GLIS3: variants seen among roughly 807,000 people sequenced by gnomAD.
GLIS3 encodes the protein GLIS family zinc finger 3.
GLIS3 carries 53 observed loss-of-function variants against 78.6 expected under a neutral mutation model. That is an observed-to-expected ratio of 0.67 (90% CI 0.54 to 0.85). The LOEUF (loss-of-function observed/expected upper bound fraction) is 0.85, where lower values mean the gene tolerates loss of function less well. Among genes scored for constraint, GLIS3 ranks in the 40% least tolerant of loss-of-function variants. GLIS3 has a pLI of 0.00. For missense variants in GLIS3, 1,703 were observed against 1,231.1 expected (o/e 1.38, Z -5.74); for synonymous variants, 684 against 509.9 (o/e 1.34, Z -4.60).
intron 2 of GLIS3, among the ~76,000 whole-genome samples, chr9:4,149,475 T>C (rs982820): frequency 0.22 from 33,889 of 152,142 alleles, 4,226 homozygotes; most frequent in African/African-American, 0.34. Flanking sequence ...CACAGGACAA[T>C]TGTCATTCTT....
At chr9:4,405,768 A>G in the GLIS3 span, among the ~76,000 whole-genome samples, 1 of 152,350 alleles carries the variant, frequency 6.6e-6, no homozygotes, top group Admixed American at 6.5e-5. Context: ...ACACATTAAA[A>G]AAAAAAACTA....
chr9:3,872,027 C>T (rs753517637), intron 8 of GLIS3, among the ~76,000 whole-genome samples: 15 of 152,276 alleles, frequency 9.9e-5, no homozygotes, highest in Non-Finnish European at 1.2e-4. Context: ...CTGCTAGATA[C>T]CCTAAATCAG....
At chr9:4,199,273 T>G (rs1488085180) in intron 2 of GLIS3, among the ~76,000 whole-genome samples, 1 of 152,054 alleles carries the variant, frequency 6.6e-6, no homozygotes, top group Non-Finnish European at 1.5e-5. Context: ...AGTGGCAAGT[T>G]GGATGAAAAA....
chr9:3,907,605 A>ACACACAC (rs1823802742), intron 6 of GLIS3, among the ~76,000 whole-genome samples: 4 of 92,254 alleles, frequency 4.3e-5, no homozygotes, highest in African/African-American at 1.4e-4. Context: ...CCACCCCCCA[A>ACACACAC]ACACACACAC....
chr9:4,118,514 T>A lies in GLIS3; in HGVS notation c.964A>T (p.Thr322Ser), dbSNP rs1466092131. The A allele has an allele frequency of 6.2e-7, 1 of 1,614,140 alleles. No individual in the cohort carries two copies. The highest frequency in any genetic ancestry group is 8.5e-7 in the Non-Finnish European group (1 of 1,180,014). Residue 322 changes from threonine (T) to serine (S), a missense_variant, in exon 4 of 11, where the codon ACG becomes TCG. Thr to Ser is a moderately conservative substitution (Grantham distance 58). Coordinates refer to ENST00000381971, the MANE Select transcript of GLIS3 (RefSeq NM_001042413.2). The surrounding 1 kb of genome is among the most constrained non-coding windows in gnomAD (Gnocchi z 4.7). Reference protein sequence around the residue: ...IGIDFNTIIRTSPTSLVAYIN... With the variant: ...IGIDFNTIIRSSPTSLVAYIN... ...TAGGCCACCAAGGACGTGGGCGACG[T>A]GCGGATGATGGTATTGAAATCTATC... is the stretch of plus-strand genomic sequence containing the variant.
chr9:4,065,488 T>A (rs1169508430), intron 4 of GLIS3, among the ~76,000 whole-genome samples: 1 of 152,258 alleles, frequency 6.6e-6, no homozygotes, highest in Non-Finnish European at 1.5e-5. Context: ...AAATTTAATA[T>A]CAAATTTGTT....
chr9:4,474,238 G>A, the GLIS3 span, among the ~76,000 whole-genome samples: 1 of 152,180 alleles, frequency 6.6e-6, no homozygotes, highest in Non-Finnish European at 1.5e-5. Context: ...TGGAAAGATA[G>A]ACAAATAGAT....
At chr9:4,435,885 C>G in the GLIS3 span, among the ~76,000 whole-genome samples, 3 of 152,122 alleles carry the variant, frequency 2.0e-5, no homozygotes, top group East Asian at 1.9e-4. Context: ...GGAGGTGGAG[C>G]TTGCAGTGAG....
chr9:4,187,492 T>A (rs996430353), intron 2 of GLIS3, among the ~76,000 whole-genome samples: 2 of 152,274 alleles, frequency 1.3e-5, no homozygotes, highest in African/African-American at 4.8e-5. Flanking sequence ...CTTTTTTGGT[T>A]CCATATGAAC....
intron 2 of GLIS3, among the ~76,000 whole-genome samples, chr9:4,140,650 G>A (rs1289883147): frequency 6.6e-6 from 1 of 152,096 alleles, no homozygotes; most frequent in Admixed American, 6.5e-5. Context: ...TCCTCCTCTA[G>A]ACTGTAATTG....
intron 7 of GLIS3, among the ~76,000 whole-genome samples, chr9:3,895,261 A>G (rs903015062): frequency 6.6e-6 from 1 of 152,250 alleles, no homozygotes; most frequent in Admixed American, 6.5e-5. Flanking sequence ...CTCTTAGACT[A>G]TCAGATAAAT....
rs1039901885 is a variant in GLIS3 at position 3,828,369 on chromosome 9, T to A, written c.2696A>T (p.Glu899Val). The A allele has an allele frequency of 1.2e-6, 2 of 1,613,522 alleles. No individual in the cohort carries two copies. Among genetic ancestry groups the A allele is most frequent in the African/African-American group, 1.3e-5 (1 of 74,848 alleles). The change falls in exon 11 of 11, where the codon GAG (glutamate) becomes GTG (valine). Residue 899 changes from glutamate (E) to valine (V), a missense_variant. Transcript: ENST00000381971. ...ATCTTCAGCCCCGCTGCGGAGAGAC[T>A]CCCCAAAGAGGCTCGAGGAACTTGA... ...LPSSSSSLFG[E>V]SLRSGAEDAT... is the part of the protein sequence containing the mutation.
At chr9:3,888,214 A>G (rs1254606092) in intron 7 of GLIS3, among the ~76,000 whole-genome samples, 1 of 152,120 alleles carries the variant, frequency 6.6e-6, no homozygotes, top group Non-Finnish European at 1.5e-5. Context: ...TTTGGAAATA[A>G]AAGTTTTACT....
intron 2 of GLIS3, among the ~76,000 whole-genome samples, chr9:4,250,546 A>T (rs1397204463): frequency 6.6e-6 from 1 of 151,010 alleles, no homozygotes; most frequent in Non-Finnish European, 1.5e-5. Context: ...AGTTTTGTTG[A>T]TCTTTTCAAA....
intron 8 of GLIS3, among the ~76,000 whole-genome samples, chr9:3,866,755 T>A (rs1413061757): frequency 2.0e-5 from 3 of 152,184 alleles, no homozygotes. Context: ...CACTACAAAA[T>A]GGAGTTTGAA....
intron 2 of GLIS3, among the ~76,000 whole-genome samples, chr9:4,316,124 C>T (rs1207448596): frequency 2.6e-5 from 4 of 152,190 alleles, no homozygotes; most frequent in African/African-American, 4.8e-5. Flanking sequence ...CAACACACCT[C>T]TCCTAATGCC....
chr9:4,212,731 T>C (rs924597079), intron 2 of GLIS3, among the ~76,000 whole-genome samples: 8 of 152,210 alleles, frequency 5.3e-5, no homozygotes, highest in Middle Eastern at 3.4e-3. Context: ...GCAAGAGAGA[T>C]AGAACATGTG....
intron 2 of GLIS3, among the ~76,000 whole-genome samples, chr9:4,332,005 T>A (rs140167008): frequency 6.6e-6 from 1 of 152,202 alleles, no homozygotes; most frequent in East Asian, 1.9e-4. Context: ...GGAGTCCTTA[T>A]GTACTTAAAG....
At chr9:3,907,601 C>A (rs1191846802) in intron 6 of GLIS3, among the ~76,000 whole-genome samples, 4 of 115,130 alleles carry the variant, frequency 3.5e-5, no homozygotes, top group African/African-American at 1.2e-4. Flanking sequence ...TCCTCCACCC[C>A]CCAAACACAC....
Sources: allele counts gnomAD v4.1 joint callset (sites outside exome capture counted in the v4.1 genomes callset), GRCh38; gene constraint gnomAD v4.1.1; non-coding constraint Gnocchi (gnomAD v3.1); transcripts MANE v1.5; gene names NCBI Gene and HGNC (gene_info 2026-07-23, HGNC 2026-07-21).